Variants in GLP1R observed in about 807,000 individuals in gnomAD.
GLP1R encodes the protein glucagon like peptide 1 receptor, also known as glucagon-like peptide 1 receptor.
GLP1R carries 32 observed loss-of-function variants against 68.4 expected under a neutral mutation model. The ratio of observed to expected loss-of-function variants is 0.47; its 90% CI spans 0.35 to 0.63. The LOEUF is 0.63. Among genes scored for constraint, GLP1R ranks in the 20% least tolerant of loss-of-function variants. GLP1R has a pLI of 0.00. For missense variants in GLP1R, 502 were observed against 594.9 expected (o/e 0.84, Z 1.62); for synonymous variants, 263 against 244.4 (o/e 1.08, Z -0.71).
intron 7 of GLP1R, 26 bp downstream of exon 7, chr6:39,073,795 G>T: frequency 6.2e-7 from 1 of 1,608,976 alleles, no homozygotes. Context: ...ACCCACCCTG[G>T]ACCTGTGGCA....
chr6:39,071,322 G>A (rs1768657142), intron 5 of GLP1R, among the ~76,000 whole-genome samples: 1 of 139,562 alleles, frequency 7.2e-6, no homozygotes, highest in Admixed American at 7.7e-5. Flanking sequence ...CTCCAGCTTG[G>A]GCGACAGAGC....
At chr6:39,070,418 T>C (rs1768629629) in intron 5 of GLP1R, among the ~76,000 whole-genome samples, 2 of 152,224 alleles carry the variant, frequency 1.3e-5, no homozygotes, top group African/African-American at 4.8e-5. Context: ...CTTTCTGAAT[T>C]ACAAATGTTG....
chr6:39,053,253 G>A (rs757043056), intron 1 of GLP1R, among the ~76,000 whole-genome samples: 3 of 152,192 alleles, frequency 2.0e-5, no homozygotes, highest in African/African-American at 7.2e-5. Context: ...GCTTGCAGCA[G>A]GGACTTATGT....
In GLP1R at chr6:39,063,734, G is replaced by A. The variant is rs567321062; in HGVS notation, c.284-1977G>A. ...AGGGGAGGGCAAGGTCCATTGGCAG[G>A]CCTTGCTGACAGTGCTGGAAGAGGC... On this transcript the variant is annotated intron_variant, in intron 3 of 12. Transcript: ENST00000373256. 8.2e-4 allele frequency among the ~76,000 whole-genome samples: 125 copies of A among 152,192 alleles called. No individual in the cohort carries two copies. The Middle Eastern group carries it at 0.017, about 21-fold the overall frequency.
intron 5 of GLP1R, among the ~76,000 whole-genome samples, chr6:39,069,486 A>G (rs1768600062): frequency 6.6e-6 from 1 of 152,100 alleles, no homozygotes; most frequent in Non-Finnish European, 1.5e-5. Flanking sequence ...ACAAAAAATT[A>G]GCTGGGTGCG....
intron 4 of GLP1R, 22 bp from the exon 5 acceptor site, chr6:39,066,175 G>C (rs202016350): frequency 7.5e-7 from 1 of 1,325,796 alleles, no homozygotes; most frequent in Non-Finnish European, 1.1e-6. Context: ...CCATGTACAC[G>C]TATGTCCCCC....
intron 3 of GLP1R, among the ~76,000 whole-genome samples, chr6:39,063,949 A>T (rs1768426809): frequency 7.8e-6 from 1 of 127,432 alleles, no homozygotes; most frequent in Non-Finnish European, 1.6e-5. Flanking sequence ...ACACACACAC[A>T]CACACACACA....
Position 39,086,105 on chromosome 6 carries a change from G to T in GLP1R, c.*32G>T, listed in dbSNP as rs555861720. The T allele has an allele frequency of 6.2e-7, 1 of 1,605,234 alleles. No individual in the cohort carries two copies. The highest frequency in any genetic ancestry group is 1.3e-5 in the African/African-American group (1 of 74,690). The stretch of plus-strand genomic sequence containing the variant: ...AGCGCCTGCCCTCCCTGGGGTCCTT[G>T]CTGCAGGCCGGGTGGCCAATCCAGG... On this transcript the variant is annotated 3_prime_UTR_variant, in exon 13 of 13. Transcript: ENST00000373256. The surrounding 1 kb of genome is among the most constrained non-coding windows in gnomAD (Gnocchi z 4.5).
At chr6:39,061,880 C>T (rs1379993139) in intron 3 of GLP1R, among the ~76,000 whole-genome samples, 1 of 152,196 alleles carries the variant, frequency 6.6e-6, no homozygotes, top group African/African-American at 2.4e-5. Context: ...CCCTGATGCT[C>T]TACAGTACCC....
rs1769185402 is a variant in GLP1R at position 39,087,727 on chromosome 6, A to G, written c.*1654A>G. The G allele has an allele frequency of 1.3e-5, 2 of 152,226 alleles. No individual in the cohort carries two copies. The allele number at this position is 152,226 out of a possible 1,614,324, so 9.4% of individuals were successfully genotyped here. ...ATAGGATATAAAACACATCAAGTAG[A>G]AAATTTCTTATACTTCAGCTTCAGT... On this transcript the variant is annotated 3_prime_UTR_variant, in exon 13 of 13. Coordinates refer to ENST00000373256, the MANE Select transcript of GLP1R (RefSeq NM_002062.5).
chr6:39,063,372 T>G lies in GLP1R; in HGVS notation c.284-2339T>G, dbSNP rs78928852. 6.8e-3 allele frequency among the ~76,000 whole-genome samples: 1,028 copies of G among 152,264 alleles called. 8 individuals are homozygous for G. Among genetic ancestry groups the G allele is most frequent in the South Asian group, 0.029 (139 of 4,820 alleles). On this transcript the variant is annotated intron_variant, in intron 3 of 12. Transcript: ENST00000373256. ...TGGGCTTGAGAGGGGCCCTTCGCGT[T>G]GCTAAAATCAGACCACGTGCCTCCC...
Position 39,087,307 on chromosome 6 carries a change from C to T in GLP1R, c.*1234C>T, listed in dbSNP as rs199727516. On this transcript the variant is annotated 3_prime_UTR_variant, in exon 13 of 13. Transcript: ENST00000373256. Reference sequence around the variant, plus strand: ...GCAGTAGTAATTGATTTGACCCACTCACACTTGGAGCTAATTAAGGTTTGC... The same window carrying T: ...GCAGTAGTAATTGATTTGACCCACTTACACTTGGAGCTAATTAAGGTTTGC... 2 of 152,214 alleles carry T rather than the reference C, an allele frequency of 1.3e-5. No individual in the cohort carries two copies. The highest frequency in any genetic ancestry group is 2.9e-5 in the Non-Finnish European group (2 of 68,058). 9.4% of individuals were successfully genotyped at this position (152,214 alleles called of 1,614,324 possible).
chr6:39,048,904 G>A lies in GLP1R; in HGVS notation c.64G>A (p.Gly22Ser), dbSNP rs976295207. The change falls in exon 1 of 13, where the codon GGC (glycine) becomes AGC (serine). Residue 22 changes from glycine to serine, a missense_variant. Physicochemically the swap from Gly to Ser is moderately conservative, Grantham distance 56. Coordinates refer to ENST00000373256, the MANE Select transcript of GLP1R (RefSeq NM_002062.5). ...LLLLGMVGRA[G>S]PRPQGATVSL... Reference sequence around the variant, plus strand: ...GCTGCTCGGGATGGTGGGCAGGGCCGGCCCCCGCCCCCAGGTGAGATCCAG... The same window carrying A: ...GCTGCTCGGGATGGTGGGCAGGGCCAGCCCCCGCCCCCAGGTGAGATCCAG... 2 of 1,415,834 alleles carry A rather than the reference G, an allele frequency of 1.4e-6. No homozygotes were observed. Among genetic ancestry groups the A allele is most frequent in the Admixed American group, 2.6e-5 (1 of 38,814 alleles). 87.7% of individuals were successfully genotyped at this position (1,415,834 alleles called of 1,614,324 possible). A position where few individuals can be genotyped will look rare whatever the true frequency, so the allele number is the denominator to read the frequency against.
At chr6:39,084,703 C>T (rs1053148818) in intron 12 of GLP1R, among the ~76,000 whole-genome samples, 5 of 152,210 alleles carry the variant, frequency 3.3e-5, no homozygotes, top group Non-Finnish European at 7.3e-5. Context: ...GTTCATGACG[C>T]TGCATGGGAC....
chr6:39,054,498 C>T (rs183796860), intron 1 of GLP1R, among the ~76,000 whole-genome samples: 1 of 152,254 alleles, frequency 6.6e-6, no homozygotes, highest in East Asian at 1.9e-4. Flanking sequence ...GACACAGCCC[C>T]GTCCTCAGGG....
At chr6:39,074,671 A>G (rs1248869668) in intron 7 of GLP1R, among the ~76,000 whole-genome samples, 1 of 151,548 alleles carries the variant, frequency 6.6e-6, no homozygotes, top group Non-Finnish European at 1.5e-5. Flanking sequence ...CCTGCCACGG[A>G]CCTCCGGGGA....
intron 5 of GLP1R, among the ~76,000 whole-genome samples, chr6:39,071,760 G>T (rs1768673126): frequency 6.6e-6 from 1 of 152,102 alleles, no homozygotes; most frequent in South Asian, 2.1e-4. Flanking sequence ...TTCTTTAGGA[G>T]TGTCTGGAAT....
In GLP1R at chr6:39,079,311, C is replaced by A. The variant is rs1768925975; in HGVS notation, c.1043+111C>A. The A allele has an allele frequency of 3.3e-6, 3 of 900,602 alleles. No individual in the cohort carries two copies. Among genetic ancestry groups the A allele is most frequent in the South Asian group, 1.4e-5 (1 of 70,530 alleles). The allele number at this position is 900,602 out of a possible 1,614,324, so 55.8% of individuals were successfully genotyped here. A position where few individuals can be genotyped will look rare whatever the true frequency, so the allele number is the denominator to read the frequency against. On this transcript the variant is annotated intron_variant, in intron 10 of 12. Coordinates refer to ENST00000373256, the MANE Select transcript of GLP1R (RefSeq NM_002062.5). This position sits in a 1 kb window ranked among gnomAD's most constrained non-coding sequence, Gnocchi z 4.5. ...GCTTAGCTTAGAGCCCTACACTACCCTCTCCTTCCACCCAGGCCTGGCCTT... is the reference window on the plus strand; with the variant it reads ...GCTTAGCTTAGAGCCCTACACTACCATCTCCTTCCACCCAGGCCTGGCCTT...
At chr6:39,061,464 C>A (rs147752142) in intron 3 of GLP1R, among the ~76,000 whole-genome samples, 1 of 152,308 alleles carries the variant, frequency 6.6e-6, no homozygotes, top group East Asian at 1.9e-4. Flanking sequence ...TAAAAATAAC[C>A]TATAACTCAC....
Sources: gnomAD v4.1 joint callset for allele counts (sites outside exome capture counted in the v4.1 genomes callset) on GRCh38, gnomAD v4.1.1 for gene constraint, Gnocchi (gnomAD v3.1) non-coding constraint, MANE v1.5 for transcripts, NCBI Gene and HGNC (gene_info 2026-07-23, HGNC 2026-07-21) for gene names.